The following SORL1 variants were observed in gnomAD, a reference collection of about 807,000 sequenced individuals.
SORL1 encodes sortilin related receptor 1, also known as sortilin-related receptor.
Under a neutral mutation model 273.7 loss-of-function variants are expected in SORL1, and 127 were observed. The observed-to-expected ratio is 0.46, with a 90% CI of 0.40 to 0.54. SORL1 has a LOEUF of 0.54. SORL1 is among the 20% of genes least tolerant of loss of function. The pLI, the probability that SORL1 is intolerant of heterozygous loss-of-function variation, is 0.00. For missense variants in SORL1, 2,494 were observed against 2,846.1 expected, an observed-to-expected ratio of 0.88 and a Z score of 2.81; for synonymous variants, 1,031 against 1,067.4, an observed-to-expected ratio of 0.97 and a Z score of 0.66.
chr11:121,597,046 C>G (rs1332518307), intron 32 of SORL1, among the ~76,000 whole-genome samples: 1 of 152,232 alleles, frequency 6.6e-6, no homozygotes, highest in Non-Finnish European at 1.5e-5. Context: ...GATCTCACCT[C>G]AGACCACTGA....
chr11:121,549,438 G>A (rs1862476289), intron 14 of SORL1, among the ~76,000 whole-genome samples: 1 of 152,072 alleles, frequency 6.6e-6, no homozygotes, highest in African/African-American at 2.4e-5. Flanking sequence ...TGTTGCCCAT[G>A]TTGGTCTGGA....
At chr11:121,574,421 T>C in intron 24 of SORL1, 58 bp downstream of exon 24, 1 of 1,548,236 alleles carries the variant, frequency 6.5e-7, no homozygotes, top group South Asian at 1.1e-5. Flanking sequence ...TTGTGCTCCC[T>C]CACAGGGCTG....
chr11:121,561,232 G>GC (rs1862667365), intron 21 of SORL1, among the ~76,000 whole-genome samples: 1 of 152,198 alleles, frequency 6.6e-6, no homozygotes, highest in Non-Finnish European at 1.5e-5. Context: ...TGCAGATGAA[G>GC]CCAGTGGCTA....
chr11:121,529,270 G>A (rs1862168189), intron 11 of SORL1, among the ~76,000 whole-genome samples: 1 of 152,266 alleles, frequency 6.6e-6, no homozygotes, highest in East Asian at 1.9e-4. Flanking sequence ...AGGCTGGAGT[G>A]CAATGGTATG....
chr11:121,477,666 G>A (rs1437943908), intron 2 of SORL1, among the ~76,000 whole-genome samples: 2 of 152,074 alleles, frequency 1.3e-5, no homozygotes, highest in Non-Finnish European at 2.9e-5. Context: ...GTGTTATCTG[G>A]TAACATCTGT....
At position 121,578,325 on chromosome 11, in the gene SORL1, C is replaced by A. The variant is rs183420853; in HGVS notation, c.3580+925C>A. 2.5e-3 allele frequency among the ~76,000 whole-genome samples: 381 copies of A among 152,338 alleles called. 3 individuals carry two copies. Among genetic ancestry groups the A allele is most frequent in the African/African-American group, 8.8e-3 (365 of 41,562 alleles). On this transcript the variant is annotated intron_variant, in intron 25 of 47. Coordinates refer to ENST00000260197, the MANE Select transcript of SORL1 (RefSeq NM_003105.6). ...ATTGTTGAGTCATCTTCTCAATTAT[C>A]TGAAGCCAGCTATTAATCTTGTGAA...
At chr11:121,547,613 C>T (rs1325219464) in intron 14 of SORL1, among the ~76,000 whole-genome samples, 1 of 151,718 alleles carries the variant, frequency 6.6e-6, no homozygotes, top group South Asian at 2.1e-4. Context: ...ACCACCTGCT[C>T]TGCCCCTTGT....
chr11:121,555,481 A>G (rs964813744), intron 18 of SORL1, among the ~76,000 whole-genome samples, 163 bp downstream of exon 18: 1 of 152,194 alleles, frequency 6.6e-6, no homozygotes, highest in African/African-American at 2.4e-5. Context: ...GAGGAGAGAA[A>G]AGGGGGTAAG....
At chr11:121,582,808 T>G (rs3781838) in intron 25 of SORL1, among the ~76,000 whole-genome samples, 4,964 of 152,324 alleles carry the variant, frequency 0.033, 126 homozygotes, top group East Asian at 0.088. Context: ...TTTGGATGAC[T>G]CTTTTATATT....
intron 16 of SORL1, among the ~76,000 whole-genome samples, chr11:121,552,085 C>T (rs746067872): frequency 4.6e-5 from 7 of 151,514 alleles, no homozygotes; most frequent in South Asian, 2.1e-4. Flanking sequence ...GAACAGGGAA[C>T]GAAGTGGAGA....
At chr11:121,462,296 C>T (rs1861012540) in intron 1 of SORL1, among the ~76,000 whole-genome samples, 1 of 152,170 alleles carries the variant, frequency 6.6e-6, no homozygotes, top group African/African-American at 2.4e-5. Flanking sequence ...CACAGCAAGT[C>T]TCAAGGCCCT....
chr11:121,503,152 G>T (rs1269954027), intron 6 of SORL1, among the ~76,000 whole-genome samples: 2 of 152,286 alleles, frequency 1.3e-5, no homozygotes, highest in East Asian at 3.9e-4. Context: ...TTGTAGGCAC[G>T]AGCCACCATG....
At chr11:121,472,748 G>T (rs1245960551) in intron 2 of SORL1, among the ~76,000 whole-genome samples, 1 of 152,216 alleles carries the variant, frequency 6.6e-6, no homozygotes, top group Non-Finnish European at 1.5e-5. Context: ...ATCACCTGAG[G>T]TCGGGAGTTT....
chr11:121,556,575 C>G (rs894639148), intron 18 of SORL1, among the ~76,000 whole-genome samples: 1 of 152,216 alleles, frequency 6.6e-6, no homozygotes, highest in Non-Finnish European at 1.5e-5. Context: ...TGCACAAGCA[C>G]CCACCTTTTC....
At chr11:121,522,449 C>G in intron 9 of SORL1, 137 bp from the exon 10 acceptor site, 1 of 697,396 alleles carries the variant, frequency 1.4e-6, no homozygotes, top group Non-Finnish European at 2.6e-6. Context: ...GACAGCTGGG[C>G]TGTGAGTCTG....
chr11:121,468,545 C>T (rs1387879311), intron 1 of SORL1, among the ~76,000 whole-genome samples: 6 of 152,142 alleles, frequency 3.9e-5, no homozygotes, highest in East Asian at 1.9e-4. Flanking sequence ...CTCAGCCTCC[C>T]GAGTAGCTGG....
chr11:121,540,522 C>CAAAA lies in SORL1; in HGVS notation c.1686-3015_1686-3012dup, dbSNP rs34608652. On this transcript the variant is annotated intron_variant, in intron 12 of 47. Coordinates refer to ENST00000260197, the MANE Select transcript of SORL1 (RefSeq NM_003105.6). The stretch of plus-strand genomic sequence containing the variant: ...TGAAATCCTATCTCTACTAAAAATA[C>CAAAA]AAAAAAAAAAAAAAGAATGCAAAGA... 1.5e-3 allele frequency among the ~76,000 whole-genome samples: 160 copies of CAAAA among 103,892 alleles called. 12 individuals carry two copies. Among genetic ancestry groups the CAAAA allele is most frequent in the Non-Finnish European group, 2.5e-4 (13 of 51,858 alleles). 68.2% of individuals were successfully genotyped at this position (103,892 alleles called of 152,430 possible).
chr11:121,603,501 TCTACTTTCAGAA>T (rs1311314841), intron 32 of SORL1, among the ~76,000 whole-genome samples: 2 of 152,252 alleles, frequency 1.3e-5, no homozygotes, highest in Non-Finnish European at 2.9e-5. Flanking sequence ...GCAGTTTTAA[TCTACTTTCAGAA>T]CTGGAGAGCA....
chr11:121,579,996 C>T lies in SORL1; in HGVS notation c.3580+2596C>T, dbSNP rs528830880. Among the ~76,000 whole-genome samples the T allele has an allele frequency of 4.6e-5, 7 of 152,236 alleles. No homozygotes were observed. In the South Asian group the frequency reaches 1.5e-3, roughly 32 times the overall value. On this transcript the variant is annotated intron_variant, in intron 25 of 47. Coordinates refer to ENST00000260197, the MANE Select transcript of SORL1 (RefSeq NM_003105.6). Reference sequence around the variant, plus strand: ...ATAGAATTCTTCCATTTCTTCCTGGCCTCTTTTGTGTTGATTTGAATTCTG... The same window carrying T: ...ATAGAATTCTTCCATTTCTTCCTGGTCTCTTTTGTGTTGATTTGAATTCTG...
Sources: allele counts gnomAD v4.1 joint callset (sites outside exome capture counted in the v4.1 genomes callset), GRCh38; gene constraint gnomAD v4.1.1; transcripts MANE v1.5; gene names NCBI Gene and HGNC (gene_info 2026-07-23, HGNC 2026-07-21).